SAMD8: variants seen among roughly 807,000 people sequenced by gnomAD.
SAMD8 encodes sphingomyelin synthase-related protein 1.
In SAMD8, 20 loss-of-function variants were observed where a neutral mutation model predicts 42.0. The observed-to-expected ratio is 0.48, with a 90% CI of 0.34 to 0.69. SAMD8 has a LOEUF of 0.69. SAMD8 is among the 30% of genes least tolerant of loss of function. SAMD8 has a pLI of 0.01. For missense variants in SAMD8, 328 were observed against 511.6 expected (o/e 0.64, Z 3.46); for synonymous variants, 162 against 173.0 (o/e 0.94, Z 0.50).
chr10:75,168,374 G>T, intron 3 of SAMD8, 167 bp from the exon 4 acceptor site: 1 of 948,570 alleles, frequency 1.1e-6, no homozygotes, highest in Non-Finnish European at 1.3e-6. Context: ...TCATTGCAGA[G>T]AATTCTGTTG....
chr10:75,144,062 G>A (rs914271196), intron 1 of SAMD8, among the ~76,000 whole-genome samples: 2 of 151,444 alleles, frequency 1.3e-5, no homozygotes, highest in African/African-American at 4.9e-5. Flanking sequence ...CTGCCTCCCG[G>A]GTTCAAGTGA....
intron 1 of SAMD8, among the ~76,000 whole-genome samples, chr10:75,100,079 G>A (rs1010798175): frequency 5.0e-4 from 76 of 152,098 alleles, no homozygotes; most frequent in African/African-American, 1.7e-3. Flanking sequence ...GACAGGCTCC[G>A]GGCTCAGGCC....
At chr10:75,130,230 G>A (rs752073794) in intron 1 of SAMD8, among the ~76,000 whole-genome samples, 46 of 151,966 alleles carry the variant, frequency 3.0e-4, no homozygotes, top group Non-Finnish European at 4.6e-4. Flanking sequence ...AGCCAGGCAC[G>A]GTGACTCACG....
At chr10:75,122,596 G>C (rs908497145) in intron 1 of SAMD8, among the ~76,000 whole-genome samples, 2 of 147,156 alleles carry the variant, frequency 1.4e-5, no homozygotes, top group African/African-American at 5.1e-5. Context: ...CTGAATGATA[G>C]ACGGAGACTC....
intron 2 of SAMD8, among the ~76,000 whole-genome samples, chr10:75,162,867 A>G (rs1160113702): frequency 6.6e-6 from 1 of 152,136 alleles, no homozygotes; most frequent in African/African-American, 2.4e-5. Context: ...TAAAAAAAAG[A>G]AGAATTTATT....
chr10:75,101,325 C>T (rs142979192), intron 1 of SAMD8, among the ~76,000 whole-genome samples: 34 of 152,290 alleles, frequency 2.2e-4, no homozygotes, highest in Non-Finnish European at 4.4e-4. Context: ...ATGGTAGATG[C>T]CCAATAAATG....
At chr10:75,168,372 G>C (rs770571800) in intron 3 of SAMD8, 169 bp from the exon 4 acceptor site, 1 of 942,596 alleles carries the variant, frequency 1.1e-6, no homozygotes, top group Non-Finnish European at 1.3e-6. Flanking sequence ...CGTCATTGCA[G>C]AGAATTCTGT....
intron 3 of SAMD8, 113 bp from the exon 4 acceptor site, chr10:75,168,428 A>G (rs57250768): frequency 6.6e-7 from 1 of 1,514,712 alleles, no homozygotes; most frequent in Non-Finnish European, 8.8e-7. Flanking sequence ...TGTCCTCTTC[A>G]AAGAGTCTAG....
intron 3 of SAMD8, among the ~76,000 whole-genome samples, chr10:75,167,423 A>G (rs1442527124): frequency 2.0e-5 from 3 of 151,962 alleles, no homozygotes; most frequent in Non-Finnish European, 4.4e-5. Flanking sequence ...TTTTTTATAG[A>G]CAAGATGTTA....
intron 4 of SAMD8, chr10:75,175,828 C>T (rs1223411992): frequency 3.1e-6 from 3 of 960,548 alleles, no homozygotes; most frequent in Non-Finnish European, 1.2e-6. Flanking sequence ...GGATTACAGG[C>T]ATGAGCCACT....
Position 75,150,549 on chromosome 10 carries a change from C to T in SAMD8, c.21C>T (p.Leu7=). ...AGGAAATGGCAGGTCCTAATCAACT[C>T]TGCATTCGCCGCTGGACTACCAAGC... MAGPNQ[L]CIRRWTTKHV... is the part of the protein sequence containing the mutation. The change falls in exon 2 of 6, where the codon CTC becomes CTT. Residue 7 remains leucine, a synonymous_variant. Coordinates refer to ENST00000542569, the MANE Select transcript of SAMD8 (RefSeq NM_001174156.2). The T allele has an allele frequency of 6.2e-7, 1 of 1,613,496 alleles. No homozygotes were observed. The highest frequency in any genetic ancestry group is 8.5e-7 in the Non-Finnish European group (1 of 1,179,702).
chr10:75,155,290 G>A (rs1840384463), intron 2 of SAMD8, among the ~76,000 whole-genome samples: 1 of 152,080 alleles, frequency 6.6e-6, no homozygotes, highest in Non-Finnish European at 1.5e-5. Flanking sequence ...GGAAAATTAA[G>A]GGTTTGGTTT....
At chr10:75,155,113 A>G (rs1840381016) in intron 2 of SAMD8, among the ~76,000 whole-genome samples, 1 of 152,044 alleles carries the variant, frequency 6.6e-6, no homozygotes, top group African/African-American at 2.4e-5. Flanking sequence ...GCTGGTCTCA[A>G]ACTTTTGGCC....
intron 1 of SAMD8, among the ~76,000 whole-genome samples, chr10:75,149,350 T>C (rs1840226248): frequency 6.6e-6 from 1 of 152,208 alleles, no homozygotes; most frequent in Non-Finnish European, 1.5e-5. Context: ...TAGCACCTTA[T>C]TGGCCTTTTA....
intron 2 of SAMD8, among the ~76,000 whole-genome samples, chr10:75,153,700 G>A (rs1197493251): frequency 6.6e-6 from 1 of 151,852 alleles, no homozygotes; most frequent in Non-Finnish European, 1.5e-5. Flanking sequence ...GTGTTCCTAT[G>A]CCAGAATAAT....
intron 1 of SAMD8, among the ~76,000 whole-genome samples, chr10:75,145,121 G>A (rs1840104281): frequency 6.6e-6 from 1 of 151,958 alleles, no homozygotes. Context: ...TGTTGAGATG[G>A]TGCAGGGGCA....
chr10:75,156,047 CA>C (rs1244932834), intron 2 of SAMD8, among the ~76,000 whole-genome samples: 1 of 152,028 alleles, frequency 6.6e-6, no homozygotes, highest in Non-Finnish European at 1.5e-5. Flanking sequence ...CCAGTCTCTA[CA>C]AAAAATTAAA....
chr10:75,109,262 G>T, upstream of SAMD8: 2 of 1,350,706 alleles, frequency 1.5e-6, no homozygotes, highest in South Asian at 1.6e-5. Context: ...AGAAGCAAGT[G>T]ACTCAGCAAG....
intron 3 of SAMD8, among the ~76,000 whole-genome samples, chr10:75,165,005 AAG>A (rs1215296159): frequency 6.6e-6 from 1 of 152,252 alleles, no homozygotes. Context: ...ATCTAAAAAA[AAG>A]AGGCTGGGCG....
Sources: gnomAD v4.1 joint callset for allele counts (sites outside exome capture counted in the v4.1 genomes callset) on GRCh38, gnomAD v4.1.1 for gene constraint, MANE v1.5 for transcripts, NCBI Gene and HGNC (gene_info 2026-07-23, HGNC 2026-07-21) for gene names.